CFAP44: variants seen among roughly 807,000 people sequenced by gnomAD.
CFAP44 encodes cilia and flagella associated protein 44.
In CFAP44, 134 loss-of-function variants were observed where a neutral mutation model predicts 216.2. The observed-to-expected ratio is 0.62, with a 90% confidence interval of 0.54 to 0.72. CFAP44 has a LOEUF of 0.72. CFAP44 is among the 30% of genes least tolerant of loss of function. CFAP44 has a pLI of 0.00. For missense variants in CFAP44, 2,035 were observed against 2,182.1 expected, an observed-to-expected ratio of 0.93 and a Z score of 1.34; for synonymous variants, 700 against 727.6, an observed-to-expected ratio of 0.96 and a Z score of 0.61.
At chr3:113,440,724 T>C (rs1380186946) in intron 1 of CFAP44, among the ~76,000 whole-genome samples, 1 of 152,208 alleles carries the variant, frequency 6.6e-6, no homozygotes, top group Non-Finnish European at 1.5e-5. Flanking sequence ...GGCTCATCAC[T>C]GCTATCAAAT....
intron 32 of CFAP44, among the ~76,000 whole-genome samples, chr3:113,298,395 G>T (rs1249203921): frequency 6.6e-6 from 1 of 152,112 alleles, no homozygotes; most frequent in Admixed American, 6.5e-5. Flanking sequence ...TTCCCCATTG[G>T]ATCTAGAGAT....
Position 113,401,295 on chromosome 3 carries a change from A to G in CFAP44, c.1327-8T>C. The G allele has an allele frequency of 6.3e-7, 1 of 1,578,518 alleles. No individual in the cohort carries two copies. Among genetic ancestry groups the G allele is most frequent in the Admixed American group, 2.0e-5 (1 of 50,218 alleles). The stretch of plus-strand genomic sequence containing the variant: ...TATGGCTCCATTGGCATCCTAAAAA[A>G]ATTAAATAGTATTTTGTTTTATCAT... On this transcript the variant is annotated splice_polypyrimidine_tract_variant and splice_region_variant and intron_variant, in intron 10 of 34. Transcript: ENST00000393845.
intron 18 of CFAP44, among the ~76,000 whole-genome samples, chr3:113,370,740 C>T (rs557493633): frequency 1.3e-5 from 2 of 152,194 alleles, no homozygotes; most frequent in East Asian, 3.9e-4. Context: ...GGCAAACAGG[C>T]AAGAGAAAGA....
At chr3:113,309,449 G>GC (rs1299152700) in intron 28 of CFAP44, among the ~76,000 whole-genome samples, 3 of 152,020 alleles carry the variant, frequency 2.0e-5, no homozygotes, top group African/African-American at 7.2e-5. Context: ...CATTATAGTA[G>GC]CCCCCCTGAA....
rs1338301939 is a variant in CFAP44, at chr3:113,426,137, G to A, written c.394C>T (p.Leu132Phe). ...CAGGGTGGATACACAAGTGTGAGAAGATCCAGTGGTATGTTTGAATCCAGA... is the reference window on the plus strand; with the variant it reads ...CAGGGTGGATACACAAGTGTGAGAAAATCCAGTGGTATGTTTGAATCCAGA... ...VTLDSNIPLD[L>F]LTLVHSFGYD... is the part of the protein sequence containing the mutation. The change falls in exon 4 of 35, where the codon CTT (leucine) becomes TTT (phenylalanine). Residue 132 changes from leucine (L) to phenylalanine (F), a missense_variant. By Grantham distance (22) the Leu-to-Phe change is conservative (BLOSUM62 0). Transcript: ENST00000393845. 1 of 1,613,900 alleles carries A rather than the reference G, an allele frequency of 6.2e-7. No individual in the cohort carries two copies. Among genetic ancestry groups the A allele is most frequent in the East Asian group, 2.2e-5 (1 of 44,888 alleles).
intron 21 of CFAP44, among the ~76,000 whole-genome samples, chr3:113,359,404 G>A (rs756222943): frequency 1.3e-5 from 2 of 152,158 alleles, no homozygotes; most frequent in Non-Finnish European, 2.9e-5. Flanking sequence ...AAATATCAGA[G>A]CCAATATTTG....
intron 18 of CFAP44, among the ~76,000 whole-genome samples, chr3:113,371,377 CAGAT>C (rs1933158583): frequency 2.0e-5 from 3 of 152,194 alleles, no homozygotes; most frequent in Non-Finnish European, 4.4e-5. Context: ...GGTACCAAAA[CAGAT>C]ATACAGACCA....
intron 7 of CFAP44, among the ~76,000 whole-genome samples, chr3:113,407,290 T>C (rs1934314233): frequency 6.6e-6 from 1 of 152,230 alleles, no homozygotes. Context: ...TTTAGGGCTG[T>C]GCTACCTAAT....
rs1465968443 is a variant in CFAP44 at position 113,401,602 on chromosome 3, A to G, written c.1308T>C (p.Asn436=). Residue 436 remains asparagine, a synonymous_variant, in exon 10 of 35, where the codon AAT becomes AAC. Coordinates refer to ENST00000393845, the MANE Select transcript of CFAP44 (RefSeq NM_001164496.2). The part of the protein sequence containing the change: ...FSMIKMNETG[N]NFWLAQDANG... ...AACACACCTGAGCCAACCAAAAGTT[A>G]TTTCCAGTTTCATTCATTTTTATCA... 2 of 1,613,326 alleles carry G rather than the reference A, an allele frequency of 1.2e-6. No individual in the cohort carries two copies. Among genetic ancestry groups the G allele is most frequent in the Non-Finnish European group, 1.7e-6 (2 of 1,179,662 alleles).
chr3:113,347,912 T>C (rs1375363574), intron 22 of CFAP44, among the ~76,000 whole-genome samples: 1 of 152,166 alleles, frequency 6.6e-6, no homozygotes, highest in Non-Finnish European at 1.5e-5. Context: ...TAAGGGCCAC[T>C]AAATCCGATT....
intron 23 of CFAP44, among the ~76,000 whole-genome samples, chr3:113,343,174 G>A (rs551364615): frequency 1.9e-4 from 28 of 147,404 alleles, no homozygotes; most frequent in African/African-American, 7.0e-4. Context: ...TGATTCTCCC[G>A]CCACAGCCTC....
chr3:113,314,821 G>T (rs1018516952), intron 28 of CFAP44, among the ~76,000 whole-genome samples: 2 of 152,136 alleles, frequency 1.3e-5, no homozygotes, highest in Non-Finnish European at 2.9e-5. Context: ...GATGTAAAAT[G>T]ATGGCAAAAT....
At chr3:113,373,299 G>T in intron 18 of CFAP44, 112 bp downstream of exon 18, 1 of 1,052,888 alleles carries the variant, frequency 9.5e-7, no homozygotes, top group South Asian at 3.6e-5. Flanking sequence ...AATATTTTTT[G>T]AGTACCCCTT....
At chr3:113,319,725 A>G (rs1019998935) in intron 28 of CFAP44, among the ~76,000 whole-genome samples, 23 of 152,218 alleles carry the variant, frequency 1.5e-4, no homozygotes, top group Non-Finnish European at 2.9e-4. Context: ...ATTAGAGAAG[A>G]ACTTAATGAA....
At chr3:113,307,738 G>A (rs1388509934) in intron 29 of CFAP44, among the ~76,000 whole-genome samples, 1 of 152,180 alleles carries the variant, frequency 6.6e-6, no homozygotes, top group Admixed American at 6.5e-5. Flanking sequence ...GGGAGGCTGA[G>A]GCAGGTGGAT....
At chr3:113,409,040 C>G in intron 7 of CFAP44, 66 bp downstream of exon 7, 2 of 674,036 alleles carry the variant, frequency 3.0e-6, no homozygotes, top group Non-Finnish European at 2.4e-6. Flanking sequence ...GTCTCCAGCT[C>G]TTAGATCCTC....
chr3:113,367,671 C>T (rs1029274440), intron 18 of CFAP44, among the ~76,000 whole-genome samples: 1 of 152,184 alleles, frequency 6.6e-6, no homozygotes, highest in Non-Finnish European at 1.5e-5. Flanking sequence ...CAGAGCACCT[C>T]TTCTCCTCCA....
rs141599408 is a variant in CFAP44, at chr3:113,348,468, T to C, written c.3066-3756A>G. Among the ~76,000 whole-genome samples, 245 of 152,222 alleles carry C rather than the reference T, an allele frequency of 1.6e-3. 1 individual carries two copies. The highest frequency in any genetic ancestry group is 5.5e-3 in the African/African-American group (228 of 41,516). The stretch of plus-strand genomic sequence containing the variant: ...CCTTTTCTGTAAGAGGGAAGGCAAA[T>C]AGAGTGAAATACCTTATCTCCAAGC... On this transcript the variant is annotated intron_variant, in intron 22 of 34. Coordinates refer to ENST00000393845, the MANE Select transcript of CFAP44 (RefSeq NM_001164496.2).
chr3:113,343,007 AT>A (rs376378932), intron 23 of CFAP44, among the ~76,000 whole-genome samples: 7,791 of 147,868 alleles, frequency 0.053, 425 homozygotes, highest in African/African-American at 0.13. Flanking sequence ...TAAATAAAAA[AT>A]TAAAAAAAAA....
Sources: gnomAD v4.1 joint callset for allele counts (sites outside exome capture counted in the v4.1 genomes callset) on GRCh38, gnomAD v4.1.1 for gene constraint, MANE v1.5 for transcripts, NCBI Gene and HGNC (gene_info 2026-07-23, HGNC 2026-07-21) for gene names.